TSPEAR: variants seen among roughly 807,000 people sequenced by gnomAD.
The protein encoded by TSPEAR is thrombospondin-type laminin G domain and EAR repeat-containing protein.
TSPEAR carries 69 observed loss-of-function variants against 71.6 expected under a neutral mutation model. The observed-to-expected ratio is 0.96, with a 90% CI of 0.79 to 1.18. The LOEUF (loss-of-function observed/expected upper bound fraction) is 1.18, where lower values mean the gene tolerates loss of function less well. Among genes scored for constraint, TSPEAR ranks in the 50% most tolerant of loss-of-function variants. The pLI is 0.00. For synonymous variants in TSPEAR, 402 were observed against 387.2 expected (o/e 1.04, Z -0.45); for missense variants, 971 against 894.9 (o/e 1.09, Z -1.09).
chr21:44,618,493 T>C (rs1982247695), intron 1 of TSPEAR, among the ~76,000 whole-genome samples: 2 of 152,292 alleles, frequency 1.3e-5, no homozygotes, highest in South Asian at 2.1e-4. Context: ...TGGAAAATGG[T>C]CAAAGCTTTG....
chr21:44,601,071 C>A (rs1555928562), intron 1 of TSPEAR: 1 of 1,610,010 alleles, frequency 6.2e-7, no homozygotes, highest in Non-Finnish European at 8.5e-7. Context: ...CCTCCTCCCC[C>A]TGCCAGCAGG....
At chr21:44,638,874 C>G (rs1414671692) in intron 1 of TSPEAR, among the ~76,000 whole-genome samples, 1 of 152,060 alleles carries the variant, frequency 6.6e-6, no homozygotes, top group Non-Finnish European at 1.5e-5. Flanking sequence ...TGGCTCCACC[C>G]AGCAGCCTCA....
chr21:44,512,261 G>C (rs1034303139), intron 9 of TSPEAR, among the ~76,000 whole-genome samples: 5 of 149,852 alleles, frequency 3.3e-5, no homozygotes, highest in African/African-American at 9.8e-5. Context: ...AGAACGAGGA[G>C]GTCAGATGTA....
intron 1 of TSPEAR, among the ~76,000 whole-genome samples, chr21:44,660,103 G>A (rs1748483164): frequency 6.6e-6 from 1 of 152,154 alleles, no homozygotes; most frequent in Non-Finnish European, 1.5e-5. Flanking sequence ...GAAAGAGAAA[G>A]AGAAGGGTGG....
intron 1 of TSPEAR, among the ~76,000 whole-genome samples, chr21:44,594,321 A>G (rs1243627390): frequency 6.6e-6 from 1 of 152,238 alleles, no homozygotes; most frequent in Admixed American, 6.5e-5. Flanking sequence ...TAACCTTATA[A>G]GGGGATAATG....
intron 2 of TSPEAR, among the ~76,000 whole-genome samples, chr21:44,566,427 A>T (rs1555921747): frequency 6.6e-6 from 1 of 152,218 alleles, no homozygotes; most frequent in Non-Finnish European, 1.5e-5. Flanking sequence ...TATTGTTAAC[A>T]TGACAATACT....
At chr21:44,510,404 G>C (rs2052335338) in intron 9 of TSPEAR, among the ~76,000 whole-genome samples, 2 of 152,222 alleles carry the variant, frequency 1.3e-5, no homozygotes, top group South Asian at 2.1e-4. Context: ...GCAGCTCTGA[G>C]AGCCTCCCGT....
rs192423995 is a variant in TSPEAR, at chr21:44,520,222, A to G, written c.1566+1661T>C. The G allele has an allele frequency of 6.6e-5, 10 of 152,156 alleles. No homozygotes were observed. Among genetic ancestry groups the G allele is most frequent in the African/African-American group, 2.4e-4 (10 of 41,508 alleles). 9.4% of individuals were successfully genotyped at this position (152,156 alleles called of 1,614,324 possible). A position where few individuals can be genotyped will look rare whatever the true frequency, so the allele number is the denominator to read the frequency against. ...CCAGTCATTATCGTGCAGCCCTGTCAACCCCACAAGGGCAGGCTTCACGTT... is the reference window on the plus strand; with the variant it reads ...CCAGTCATTATCGTGCAGCCCTGTCGACCCCACAAGGGCAGGCTTCACGTT... On this transcript the variant is annotated intron_variant, in intron 9 of 11. Coordinates refer to ENST00000323084, the MANE Select transcript of TSPEAR (RefSeq NM_144991.3). This position sits in a 1 kb window ranked among gnomAD's most constrained non-coding sequence, Gnocchi z 4.2.
intron 2 of TSPEAR, among the ~76,000 whole-genome samples, chr21:44,561,877 C>G (rs1332300327): frequency 6.6e-6 from 1 of 152,146 alleles, no homozygotes; most frequent in Non-Finnish European, 1.5e-5. Context: ...CAATATCATA[C>G]TGAATGAGCA....
intron 2 of TSPEAR, among the ~76,000 whole-genome samples, chr21:44,567,049 G>T (rs587696947): frequency 6.6e-6 from 1 of 152,082 alleles, no homozygotes; most frequent in Non-Finnish European, 1.5e-5. Flanking sequence ...GCTCCAAAGG[G>T]CTCTACCAAG....
chr21:44,508,625 ACCT>A, intron 10 of TSPEAR: 1 of 1,182,786 alleles, frequency 8.5e-7, no homozygotes, highest in Non-Finnish European at 1.1e-6. Context: ...TGCCCACGCA[ACCT>A]CCTGTGGCTC....
intron 10 of TSPEAR, chr21:44,508,081 G>C (rs2052246345): frequency 6.6e-6 from 1 of 152,216 alleles, no homozygotes; most frequent in Non-Finnish European, 1.5e-5. Context: ...AGTCCTTCCT[G>C]GCCTGTCTAC....
intron 1 of TSPEAR, chr21:44,654,764 T>C: frequency 1.7e-6 from 1 of 601,048 alleles, no homozygotes; most frequent in Non-Finnish European, 3.0e-6. Flanking sequence ...CTGCCCTGTC[T>C]GGTTGATCTT....
At chr21:44,584,214 C>T (rs782312503) in intron 1 of TSPEAR, among the ~76,000 whole-genome samples, 3 of 152,158 alleles carry the variant, frequency 2.0e-5, no homozygotes, top group Non-Finnish European at 4.4e-5. Flanking sequence ...TGGGTCACTT[C>T]ACCTAGCATA....
chr21:44,677,823 A>G, intron 1 of TSPEAR: 2 of 1,294,540 alleles, frequency 1.5e-6, no homozygotes, highest in South Asian at 1.2e-5. Flanking sequence ...ACCAAGAACC[A>G]CCTCGAAGAG....
rs587614677 is a variant in TSPEAR, at chr21:44,538,649, C to A, written c.304-4726G>T. Among the ~76,000 whole-genome samples the A allele has an allele frequency of 1.7e-4, 26 of 152,284 alleles. No individual in the cohort carries two copies. The East Asian group carries it at 1.7e-3, about 10-fold the overall frequency. On this transcript the variant is annotated intron_variant, in intron 2 of 11. Coordinates refer to ENST00000323084, the MANE Select transcript of TSPEAR (RefSeq NM_144991.3). ...AGGCCTGGAGGCTGCAGTGCCCGGA[C>A]CCCAGGGCAGCTTCCCGGAAGGTGA...
At chr21:44,607,560 T>C (rs915913914) in intron 1 of TSPEAR, among the ~76,000 whole-genome samples, 1 of 152,190 alleles carries the variant, frequency 6.6e-6, no homozygotes, top group Non-Finnish European at 1.5e-5. Context: ...AGGCAAAGAC[T>C]TCGGGAACGG....
intron 2 of TSPEAR, among the ~76,000 whole-genome samples, chr21:44,552,731 C>T (rs2053463342): frequency 6.6e-6 from 1 of 152,218 alleles, no homozygotes; most frequent in African/African-American, 2.4e-5. Context: ...GTGGGATAAA[C>T]TCACAGCCCC....
At chr21:44,590,438 G>C (rs964012024) in intron 1 of TSPEAR, among the ~76,000 whole-genome samples, 4 of 152,088 alleles carry the variant, frequency 2.6e-5, no homozygotes, top group African/African-American at 9.7e-5. Context: ...AAGTCTAGGC[G>C]AGGCCGCATG....
Sources: allele counts gnomAD v4.1 joint callset (sites outside exome capture counted in the v4.1 genomes callset), GRCh38; gene constraint gnomAD v4.1.1; non-coding constraint Gnocchi (gnomAD v3.1); transcripts MANE v1.5; gene names NCBI Gene and HGNC (gene_info 2026-07-23, HGNC 2026-07-21).